Variants in ETFDH observed in about 807,000 individuals in gnomAD.
ETFDH encodes electron transfer flavoprotein dehydrogenase.
ETFDH carries 61 observed loss-of-function variants against 73.2 expected under a neutral mutation model. The observed-to-expected ratio is 0.83, with a 90% CI of 0.68 to 1.03. ETFDH has a LOEUF of 1.03. ETFDH is among the 50% of genes least tolerant of loss of function. The pLI, the probability that ETFDH is intolerant of heterozygous loss-of-function variation, is 0.00. For synonymous variants in ETFDH, 243 were observed against 253.3 expected (o/e 0.96, Z 0.39); for missense variants, 685 against 745.0 (o/e 0.92, Z 0.94).
At chr4:158,695,776 A>G in intron 7 of ETFDH, 133 bp downstream of exon 7, 1 of 693,688 alleles carries the variant, frequency 1.4e-6, no homozygotes, top group African/African-American at 1.8e-5. Context: ...CATTATGACT[A>G]AAACTTATTT....
chr4:158,705,576 C>T (rs1402100024), intron 10 of ETFDH, among the ~76,000 whole-genome samples: 1 of 152,224 alleles, frequency 6.6e-6, no homozygotes, highest in East Asian at 1.9e-4. Flanking sequence ...TTTCTTCACT[C>T]TTACAGGTAG....
At chr4:158,683,569 GC>G (rs969124730) in intron 3 of ETFDH, among the ~76,000 whole-genome samples, 18 of 152,060 alleles carry the variant, frequency 1.2e-4, no homozygotes, top group African/African-American at 4.3e-4. Context: ...TCATGTTAAA[GC>G]CCTTTATTGC....
intron 6 of ETFDH, among the ~76,000 whole-genome samples, chr4:158,691,915 A>T (rs1774175408): frequency 6.6e-6 from 1 of 152,244 alleles, no homozygotes; most frequent in Non-Finnish European, 1.5e-5. Flanking sequence ...CAACTAGATT[A>T]TAAGCTCCCT....
In ETFDH at chr4:158,690,337, A is replaced by G. The variant is rs1301945864; in HGVS notation, c.607-11A>G. The G allele has an allele frequency of 1.3e-6, 2 of 1,517,358 alleles. No individual in the cohort carries two copies. Among genetic ancestry groups the G allele is most frequent in the South Asian group, 1.1e-5 (1 of 89,124 alleles). The allele number at this position is 1,517,358 out of a possible 1,614,324, so 94.0% of individuals were successfully genotyped here. On this transcript the variant is annotated splice_polypyrimidine_tract_variant and intron_variant, in intron 5 of 12. Coordinates refer to ENST00000511912, the MANE Select transcript of ETFDH (RefSeq NM_004453.4). The stretch of plus-strand genomic sequence containing the variant: ...TAAGGTATTAATAAATTTGTTTTTT[A>G]TCATTTTTAGGTCCTTTTTCATGAT...
chr4:158,676,140 C>T (rs193211675), intron 1 of ETFDH, among the ~76,000 whole-genome samples: 18 of 152,038 alleles, frequency 1.2e-4, no homozygotes, highest in African/African-American at 4.1e-4. Flanking sequence ...AATCAGTCTC[C>T]CCGAAAACTT....
At chr4:158,682,883 T>A (rs1033098412) in intron 3 of ETFDH, among the ~76,000 whole-genome samples, 7 of 152,134 alleles carry the variant, frequency 4.6e-5, no homozygotes, top group Non-Finnish European at 4.4e-5. Flanking sequence ...TAAAAAAAAA[T>A]TTATATCAGA....
chr4:158,690,488 C>A, intron 6 of ETFDH, 63 bp downstream of exon 6: 2 of 987,530 alleles, frequency 2.0e-6, no homozygotes, highest in Non-Finnish European at 3.3e-6. Flanking sequence ...ACTGTGTGGG[C>A]ATCAAAGTGA....
chr4:158,709,485 T>A lies in ETFDH; in HGVS notation c.*958T>A. The A allele has an allele frequency of 7.4e-6, 2 of 271,040 alleles. No individual in the cohort carries two copies. Among genetic ancestry groups the A allele is most frequent in the Non-Finnish European group, 1.4e-5 (2 of 144,826 alleles). 16.8% of individuals were successfully genotyped at this position (271,040 alleles called of 1,614,324 possible). A position where few individuals can be genotyped will look rare whatever the true frequency, so the allele number is the denominator to read the frequency against. ...AGGCAGAGGATGCAGTGAGCCGAGA[T>A]TGCGCCACCGCACTCCAGCCTGGGT... is the stretch of plus-strand genomic sequence containing the variant. On this transcript the variant is annotated 3_prime_UTR_variant, in exon 13 of 13. Transcript: ENST00000511912.
intron 4 of ETFDH, chr4:158,684,878 C>T (rs1164776023): frequency 1.6e-6 from 1 of 619,294 alleles, no homozygotes. Flanking sequence ...ATTGAGATAG[C>T]CTTGTAAGCC....
At chr4:158,693,104 T>C (rs759363653) in intron 6 of ETFDH, among the ~76,000 whole-genome samples, 2 of 152,150 alleles carry the variant, frequency 1.3e-5, no homozygotes, top group African/African-American at 2.4e-5. Flanking sequence ...TGTTCCATTC[T>C]CTATTTAACC....
chr4:158,684,521 GT>G (rs1264139459), intron 3 of ETFDH, 70 bp from the exon 4 acceptor site: 25 of 884,288 alleles, frequency 2.8e-5, no homozygotes, highest in Non-Finnish European at 4.1e-5. Flanking sequence ...ACATTTTATA[GT>G]TTTTTTGTAT....
Position 158,703,454 on chromosome 4 carries a change from T to C in ETFDH, c.1148T>C (p.Leu383Ser). Residue 383 changes from leucine (L) to serine (S), a missense_variant, in exon 10 of 13, where the codon TTA (leucine) becomes TCA (serine). Leu to Ser is a moderately radical substitution (Grantham distance 145). Around this residue, in one of 3 missense-constraint regions of ETFDH, gnomAD observed 79 missense variants for 120.5 expected, o/e 0.66. Coordinates refer to ENST00000511912, the MANE Select transcript of ETFDH (RefSeq NM_004453.4). ...SIPKLTFPGG[L>S]LIGCSPGFMN... Reference sequence around the variant, plus strand: ...CCAAAACTCACCTTTCCTGGTGGTTTACTAATTGGTTGTAGTCCTGGTTTT... The same window carrying C: ...CCAAAACTCACCTTTCCTGGTGGTTCACTAATTGGTTGTAGTCCTGGTTTT... 1 of 1,612,394 alleles carries C rather than the reference T, an allele frequency of 6.2e-7. No homozygotes were observed. Among genetic ancestry groups the C allele is most frequent in the East Asian group, 2.2e-5 (1 of 44,798 alleles).
intron 6 of ETFDH, 40 bp downstream of exon 6, chr4:158,690,465 A>C: frequency 8.7e-7 from 1 of 1,148,822 alleles, no homozygotes; most frequent in African/African-American, 1.5e-5. Context: ...TAAAGCGACA[A>C]ACAACAGAAA....
In ETFDH at chr4:158,695,867, C is replaced by T. The variant is rs4263349; in HGVS notation, c.831+224C>T. On this transcript the variant is annotated intron_variant, in intron 7 of 12. Coordinates refer to ENST00000511912, the MANE Select transcript of ETFDH (RefSeq NM_004453.4). ...AGTTAGTTTTACATGTTGGAATTGT[C>T]GTATCAAGTGTTGCTTGAAGTGAAT... 0.99 allele frequency among the ~76,000 whole-genome samples: 151,501 copies of T among 152,336 alleles called. 75,342 individuals carry two copies. The highest frequency in any genetic ancestry group is 1 in the Middle Eastern group (294 of 294).
In ETFDH at chr4:158,685,239, G is replaced by C. The variant is rs907292505; in HGVS notation, c.606+20G>C. ...GCTGAGGTTTGTATAGTTTTGTTTTGTTTTAATATTTATAGGAACTCTCTT... is the reference window on the plus strand; with the variant it reads ...GCTGAGGTTTGTATAGTTTTGTTTTCTTTTAATATTTATAGGAACTCTCTT... On this transcript the variant is annotated intron_variant, in intron 5 of 12. Coordinates refer to ENST00000511912, the MANE Select transcript of ETFDH (RefSeq NM_004453.4). 7.5e-7 allele frequency: 1 copy of C among 1,329,662 alleles called. No homozygotes were observed. Among genetic ancestry groups the C allele is most frequent in the African/African-American group, 1.4e-5 (1 of 69,266 alleles). The allele number at this position is 1,329,662 out of a possible 1,614,324, so 82.4% of individuals were successfully genotyped here.
At chr4:158,686,150 G>A (rs768345047) in intron 5 of ETFDH, among the ~76,000 whole-genome samples, 17 of 152,092 alleles carry the variant, frequency 1.1e-4, no homozygotes, top group Non-Finnish European at 2.1e-4. Context: ...ACAGGAGGAG[G>A]GGAAGGTCAG....
In ETFDH at chr4:158,708,567, C is replaced by T. The variant is rs753103862; in HGVS notation, c.*40C>T. Reference sequence around the variant, plus strand: ...GTTTCTTTCAAGTATGGCAAGCTAACGTTAAAATGTTTAGAGATTAACAGA... The same window carrying T: ...GTTTCTTTCAAGTATGGCAAGCTAATGTTAAAATGTTTAGAGATTAACAGA... On this transcript the variant is annotated 3_prime_UTR_variant, in exon 13 of 13. Transcript: ENST00000511912. 9.1e-6 allele frequency: 14 copies of T among 1,536,406 alleles called. No individual in the cohort carries two copies. Among genetic ancestry groups the T allele is most frequent in the African/African-American group, 4.1e-5 (3 of 73,222 alleles).
chr4:158,687,707 A>G (rs192316602), intron 5 of ETFDH, among the ~76,000 whole-genome samples: 1 of 152,254 alleles, frequency 6.6e-6, no homozygotes, highest in Admixed American at 6.5e-5. Flanking sequence ...ACTACATCAC[A>G]CTATTGATTC....
intron 6 of ETFDH, among the ~76,000 whole-genome samples, chr4:158,693,177 C>T (rs571450905): frequency 5.8e-4 from 89 of 152,296 alleles, no homozygotes; most frequent in Middle Eastern, 3.4e-3. Flanking sequence ...GTCACAAATA[C>T]CTCCATTTTG....
Sources: gnomAD v4.1 joint callset for allele counts (sites outside exome capture counted in the v4.1 genomes callset) on GRCh38, gnomAD v4.1.1 for gene constraint, gnomAD v4.1.1 regional missense constraint, MANE v1.5 for transcripts, NCBI Gene and HGNC (gene_info 2026-07-23, HGNC 2026-07-21) for gene names.